The following GRIN2B variants were observed in gnomAD, a reference collection of about 807,000 sequenced individuals.
The protein encoded by GRIN2B is glutamate receptor ionotropic, NMDA 2B.
In GRIN2B, 5 loss-of-function variants were observed where a neutral mutation model predicts 114.5. The observed-to-expected ratio is 0.04, with a 90% CI of 0.02 to 0.09. The LOEUF is 0.09. Ranked by LOEUF, GRIN2B falls within the 10% of genes least tolerant of loss-of-function variation. The pLI, the probability that GRIN2B is intolerant of heterozygous loss-of-function variation, is 1.00. For missense variants in GRIN2B, 1,108 were observed against 1,943.5 expected, an observed-to-expected ratio of 0.57 and a Z score of 8.08; for synonymous variants, 787 against 745.1, an observed-to-expected ratio of 1.06 and a Z score of -0.92.
In GRIN2B at chr12:13,547,906, A is replaced by G. The variant is rs1371073300; in HGVS notation, c.*14877T>C. 1.4e-5 allele frequency: 2 copies of G among 148,004 alleles called. No homozygotes were observed. The highest frequency in any genetic ancestry group is 4.9e-5 in the African/African-American group (2 of 40,478). 9.2% of individuals were successfully genotyped at this position (148,004 alleles called of 1,614,324 possible). On this transcript the variant is annotated 3_prime_UTR_variant, in exon 14 of 14. Coordinates refer to ENST00000609686, the MANE Select transcript of GRIN2B (RefSeq NM_000834.5). ...CCACCCAGATATCTGGCTTCTGTCA[A>G]TAGGCCTTACCCAAACAGGGTTATG... is the stretch of plus-strand genomic sequence containing the variant.
rs562415865 is a variant in GRIN2B, at chr12:13,558,851, G to A, written c.*3932C>T. 12 of 152,326 alleles carry A rather than the reference G, an allele frequency of 7.9e-5. No homozygotes were observed. Among genetic ancestry groups the A allele is most frequent in the African/African-American group, 2.9e-4 (12 of 41,578 alleles). The allele number at this position is 152,326 out of a possible 1,614,324, so 9.4% of individuals were successfully genotyped here. On this transcript the variant is annotated 3_prime_UTR_variant, in exon 14 of 14. Coordinates refer to ENST00000609686, the MANE Select transcript of GRIN2B (RefSeq NM_000834.5). ...GAAGGGTGTGCAAAGTCTCGACTCA[G>A]GCAAATTCAAGGGTCAGATTATTGT...
chr12:13,786,690 A>G (rs1864227295), intron 3 of GRIN2B, among the ~76,000 whole-genome samples: 1 of 152,266 alleles, frequency 6.6e-6, no homozygotes, highest in East Asian at 1.9e-4. Flanking sequence ...AAAAAAGGAA[A>G]AGAAAAAATC....
intron 3 of GRIN2B, among the ~76,000 whole-genome samples, chr12:13,770,239 C>T (rs556558646): frequency 1.3e-5 from 2 of 152,346 alleles, no homozygotes; most frequent in Admixed American, 1.3e-4. Flanking sequence ...AGAACTGGCT[C>T]TGACCATCAA....
At chr12:13,569,688 T>C in intron 12 of GRIN2B, 142 bp downstream of exon 12, 4 of 591,320 alleles carry the variant, frequency 6.8e-6, no homozygotes, top group East Asian at 2.9e-5. Flanking sequence ...GAAACAAATA[T>C]ATACCCGAAA....
intron 10 of GRIN2B, among the ~76,000 whole-genome samples, chr12:13,575,099 A>G (rs1308374619): frequency 1.3e-5 from 2 of 152,158 alleles, no homozygotes; most frequent in Non-Finnish European, 2.9e-5. Flanking sequence ...TATAAAACTT[A>G]TAGAAAATAT....
chr12:13,704,182 G>T (rs933965986), intron 4 of GRIN2B, among the ~76,000 whole-genome samples: 1 of 152,120 alleles, frequency 6.6e-6, no homozygotes, highest in Non-Finnish European at 1.5e-5. Flanking sequence ...TGCTGAGACC[G>T]GGAGGCTGAC....
intron 5 of GRIN2B, among the ~76,000 whole-genome samples, chr12:13,642,773 A>G (rs1949731791): frequency 6.6e-6 from 1 of 150,596 alleles, no homozygotes; most frequent in South Asian, 2.1e-4. Context: ...CCATCTACCG[A>G]TATGATATTT....
chr12:13,883,935 A>G (rs12368362), intron 2 of GRIN2B, among the ~76,000 whole-genome samples: 23,142 of 152,122 alleles, frequency 0.15, 2,096 homozygotes, highest in East Asian at 0.2. Context: ...TTATAGTTCT[A>G]TGATACATTT....
At chr12:13,943,342 T>C (rs1256997100) in intron 2 of GRIN2B, among the ~76,000 whole-genome samples, 1 of 152,150 alleles carries the variant, frequency 6.6e-6, no homozygotes, top group African/African-American at 2.4e-5. Context: ...TAACTTCACA[T>C]CTGAAATGGA....
intron 5 of GRIN2B, among the ~76,000 whole-genome samples, chr12:13,653,474 C>T (rs1041658477): frequency 9.2e-5 from 14 of 151,470 alleles, no homozygotes; most frequent in Non-Finnish European, 1.3e-4. Context: ...AGATCAAAAA[C>T]GGTACCCTGG....
intron 4 of GRIN2B, among the ~76,000 whole-genome samples, chr12:13,694,815 G>A (rs1950246944): frequency 6.6e-6 from 1 of 151,086 alleles, no homozygotes; most frequent in East Asian, 1.9e-4. Context: ...TGTGTCTTCT[G>A]AGAAGAGATG....
intron 10 of GRIN2B, among the ~76,000 whole-genome samples, chr12:13,576,161 A>G (rs918022212): frequency 2.9e-4 from 44 of 152,292 alleles, no homozygotes; most frequent in African/African-American, 1.0e-3. Context: ...TAAAACAGAG[A>G]TTTTTTATAC....
chr12:13,579,764 A>G (rs1156760277), intron 10 of GRIN2B, among the ~76,000 whole-genome samples: 1 of 152,050 alleles, frequency 6.6e-6, no homozygotes, highest in South Asian at 2.1e-4. Context: ...TGGGTGCTAC[A>G]GTCGGATAAG....
rs1359243046 is a variant in GRIN2B, at chr12:13,553,355, G to C, written c.*9428C>G. On this transcript the variant is annotated 3_prime_UTR_variant, in exon 14 of 14. Coordinates refer to ENST00000609686, the MANE Select transcript of GRIN2B (RefSeq NM_000834.5). ...AGAGACTAGCATTCTCTCTGAGCCAGCTCATTCAAATCCTAACTTACTTTC... is the reference window on the plus strand; with the variant it reads ...AGAGACTAGCATTCTCTCTGAGCCACCTCATTCAAATCCTAACTTACTTTC... 1 of 152,184 alleles carries C rather than the reference G, an allele frequency of 6.6e-6. No homozygotes were observed. The highest frequency in any genetic ancestry group is 1.5e-5 in the Non-Finnish European group (1 of 68,030). 9.4% of individuals were successfully genotyped at this position (152,184 alleles called of 1,614,324 possible). A position where few individuals can be genotyped will look rare whatever the true frequency, so the allele number is the denominator to read the frequency against.
chr12:13,665,171 G>T (rs11055576), intron 5 of GRIN2B, among the ~76,000 whole-genome samples: 152 of 21,046 alleles, frequency 7.2e-3, no homozygotes, highest in Middle Eastern at 0.045. Context: ...GTGTGTTTGT[G>T]TGTGTGTGTG....
At chr12:13,813,100 C>A (rs1416513356) in intron 3 of GRIN2B, among the ~76,000 whole-genome samples, 1 of 151,902 alleles carries the variant, frequency 6.6e-6, no homozygotes, top group African/African-American at 2.4e-5. Flanking sequence ...CCACCACTCC[C>A]AGCTAATTTT....
chr12:13,600,787 GT>G (rs1250272135), intron 10 of GRIN2B, among the ~76,000 whole-genome samples: 1 of 152,188 alleles, frequency 6.6e-6, no homozygotes, highest in Admixed American at 6.5e-5. Context: ...GTAGAAGGTA[GT>G]GGGGAAGTGT....
intron 13 of GRIN2B, among the ~76,000 whole-genome samples, chr12:13,566,789 A>G (rs889501852): frequency 6.6e-6 from 1 of 152,214 alleles, no homozygotes; most frequent in Non-Finnish European, 1.5e-5. Flanking sequence ...CTTACAGAGA[A>G]CCAACTGCCC....
intron 2 of GRIN2B, among the ~76,000 whole-genome samples, chr12:13,964,819 G>A (rs999759079): frequency 3.3e-5 from 5 of 152,246 alleles, no homozygotes; most frequent in African/African-American, 1.2e-4. Flanking sequence ...AAGCCAGGCT[G>A]TTTGTGACGG....
Sources: gnomAD v4.1 joint callset for allele counts (sites outside exome capture counted in the v4.1 genomes callset) on GRCh38, gnomAD v4.1.1 for gene constraint, MANE v1.5 for transcripts, NCBI Gene and HGNC (gene_info 2026-07-23, HGNC 2026-07-21) for gene names.